COL9A3: variants seen among roughly 807,000 people sequenced by gnomAD.
The protein encoded by COL9A3 is collagen type IX alpha 3 chain, also known as collagen alpha-3(IX) chain.
In COL9A3, 82 loss-of-function variants were observed where a neutral mutation model predicts 110.2. The ratio of observed to expected loss-of-function variants is 0.74; its 90% CI spans 0.62 to 0.89. The LOEUF (loss-of-function observed/expected upper bound fraction) is 0.89, where lower values mean the gene tolerates loss of function less well. Among genes scored for constraint, COL9A3 ranks in the 40% least tolerant of loss-of-function variants. The pLI is 0.00. For missense variants in COL9A3, 1,066 were observed against 981.3 expected, an observed-to-expected ratio of 1.09 and a Z score of -1.15; for synonymous variants, 494 against 403.8, an observed-to-expected ratio of 1.22 and a Z score of -2.68.
At chr20:62,834,599 C>T (rs186773104) in intron 26 of COL9A3, among the ~76,000 whole-genome samples, 1 of 152,242 alleles carries the variant, frequency 6.6e-6, no homozygotes, top group African/African-American at 2.4e-5. Flanking sequence ...CTTTTTATGC[C>T]TGGGGACAAA....
chr20:62,838,252 T>G (rs753822853), intron 30 of COL9A3, among the ~76,000 whole-genome samples: 24 of 152,234 alleles, frequency 1.6e-4, no homozygotes, highest in Non-Finnish European at 2.9e-4. Flanking sequence ...CTGAGTTCAC[T>G]TACGCAAGCC....
chr20:62,836,264 G>GC lies in COL9A3; in HGVS notation c.1485dup (p.Gly496ArgfsTer105), dbSNP rs1206877805. 2 of 1,613,620 alleles carry GC rather than the reference G, an allele frequency of 1.2e-6. No homozygotes were observed. Among genetic ancestry groups the GC allele is most frequent in the Non-Finnish European group, 1.7e-6 (2 of 1,179,994 alleles). ...CCAGCGGTGTTCAGGGTGTCCCCGG[G>GC]CCCCCCGGTCCTCTGGGCCTGCAGG... On this transcript the variant is annotated frameshift_variant, in exon 28 of 32. Transcript: ENST00000649368. LOFTEE classifies it high-confidence loss of function.
At chr20:62,827,417 C>T (rs2063563155) in intron 16 of COL9A3, 123 bp downstream of exon 16, 2 of 1,036,556 alleles carry the variant, frequency 1.9e-6, no homozygotes, top group Non-Finnish European at 2.9e-6. Flanking sequence ...CTGGGTGGGC[C>T]TGGGGGTGCG....
chr20:62,825,688 C>T, intron 12 of COL9A3, 129 bp from the exon 13 acceptor site: 1 of 921,732 alleles, frequency 1.1e-6, no homozygotes, highest in Non-Finnish European at 1.7e-6. Flanking sequence ...CTTCACAGAG[C>T]CTCCAAGGCC....
At position 62,836,201 on chromosome 20, in the gene COL9A3, G is replaced by A. The variant is rs749217106; in HGVS notation, c.1416G>A (p.Gly472=). ...VGPKGESGSR[G]ELGPKGTQGP... ...TTCCTCTGCAGTCTGGCAGTCGAGG[G>A]GAGCTGGGCCCCAAAGGCACCCAGG... Residue 472 remains glycine (G), a synonymous_variant, in exon 28 of 32, where the codon GGG becomes GGA. Coordinates refer to ENST00000649368, the MANE Select transcript of COL9A3 (RefSeq NM_001853.4). The A allele has an allele frequency of 5.0e-6, 8 of 1,613,312 alleles. No individual in the cohort carries two copies. The highest frequency in any genetic ancestry group is 2.7e-5 in the African/African-American group (2 of 74,928).
At chr20:62,835,852 C>T (rs1410107808) in intron 26 of COL9A3, 69 bp from the exon 27 acceptor site, 5 of 1,519,210 alleles carry the variant, frequency 3.3e-6, no homozygotes, top group Non-Finnish European at 4.6e-6. Flanking sequence ...TTTATTTTAT[C>T]CTCAACTGGC....
At chr20:62,819,813 G>T in intron 4 of COL9A3, 116 bp from the exon 5 acceptor site, 3 of 1,136,612 alleles carry the variant, frequency 2.6e-6, no homozygotes, top group Non-Finnish European at 2.6e-6. Flanking sequence ...CCACCCTAAG[G>T]GTCTTCTATG....
intron 26 of COL9A3, among the ~76,000 whole-genome samples, chr20:62,834,731 C>T (rs956684484): frequency 6.6e-6 from 1 of 152,124 alleles, no homozygotes; most frequent in Admixed American, 6.5e-5. Context: ...CAATCTCTGC[C>T]TCCTGCGTTC....
intron 16 of COL9A3, among the ~76,000 whole-genome samples, chr20:62,827,608 A>G (rs943552112): frequency 4.6e-5 from 7 of 152,190 alleles, no homozygotes; most frequent in African/African-American, 9.7e-5. Context: ...GCAAGTGAAC[A>G]TAAGGAAAGT....
intron 14 of COL9A3, 113 bp from the exon 15 acceptor site, chr20:62,826,654 G>T (rs1170605287): frequency 2.6e-6 from 3 of 1,144,876 alleles, no homozygotes; most frequent in Non-Finnish European, 3.9e-6. Context: ...GGAACTTGCT[G>T]GGGAGCCCTA....
intron 24 of COL9A3, among the ~76,000 whole-genome samples, chr20:62,830,933 C>A (rs925827876): frequency 2.0e-5 from 3 of 151,306 alleles, no homozygotes; most frequent in Non-Finnish European, 4.4e-5. Context: ...GCCCCTCTGA[C>A]CTTCCACGTG....
intron 1 of COL9A3, 34 bp downstream of exon 1, chr20:62,817,176 TG>T: frequency 7.4e-7 from 1 of 1,345,386 alleles, no homozygotes; most frequent in South Asian, 1.6e-5. Context: ...AGGCTGGACG[TG>T]GAGCCGCGAC....
Position 62,836,344 on chromosome 20 carries a change from T to C in COL9A3, c.1548+11T>C, listed in dbSNP as rs1432572640. 31 of 1,613,828 alleles carry C rather than the reference T, an allele frequency of 1.9e-5. No individual in the cohort carries two copies. The highest frequency in any genetic ancestry group is 2.5e-5 in the Non-Finnish European group (30 of 1,180,012). On this transcript the variant is annotated intron_variant, in intron 28 of 31. Transcript: ENST00000649368. ...AAGCCGGGAGTTCCGGTACGTCGCT[T>C]TTCCGGCTTTTCCAGCTTTCACAGG...
chr20:62,824,584 C>T (rs1363409232), intron 11 of COL9A3, 83 bp downstream of exon 11: 17 of 1,407,036 alleles, frequency 1.2e-5, no homozygotes, highest in South Asian at 2.5e-5. Context: ...GTGGAGGTGG[C>T]GGGTCCAGAA....
At chr20:62,821,979 C>A in intron 8 of COL9A3, 132 bp from the exon 9 acceptor site, 1 of 780,504 alleles carries the variant, frequency 1.3e-6, no homozygotes, top group Non-Finnish European at 2.3e-6. Context: ...GACCTCAGGA[C>A]GCAGACACCA....
At chr20:62,825,228 C>A (rs1427443792) in intron 12 of COL9A3, among the ~76,000 whole-genome samples, 1 of 151,154 alleles carries the variant, frequency 6.6e-6, no homozygotes, top group Non-Finnish European at 1.5e-5. Flanking sequence ...ATGGGTGCAC[C>A]TGCACTGGCA....
intron 15 of COL9A3, 91 bp downstream of exon 15, chr20:62,826,911 G>T (rs1600798690): frequency 6.9e-7 from 1 of 1,442,700 alleles, no homozygotes; most frequent in Non-Finnish European, 9.5e-7. Context: ...CCCCACTGGG[G>T]CCCCTCTTCT....
intron 31 of COL9A3, among the ~76,000 whole-genome samples, chr20:62,839,782 T>C (rs1187200570): frequency 7.2e-6 from 1 of 138,688 alleles, no homozygotes; most frequent in Non-Finnish European, 1.5e-5. Flanking sequence ...CACCTCTCCC[T>C]GGGTGCCCTG....
At chr20:62,817,969 G>A (rs1049629456) in intron 2 of COL9A3, 2 of 416,890 alleles carry the variant, frequency 4.8e-6, no homozygotes, top group Non-Finnish European at 4.6e-6. Context: ...GTGGTTGGGG[G>A]CCGGGGGTCT....
Sources: gnomAD v4.1 joint callset for allele counts (sites outside exome capture counted in the v4.1 genomes callset) on GRCh38, gnomAD v4.1.1 for gene constraint, MANE v1.5 for transcripts, NCBI Gene and HGNC (gene_info 2026-07-23, HGNC 2026-07-21) for gene names.